REDIC1: variants seen among roughly 807,000 people sequenced by gnomAD.
The protein encoded by REDIC1 is HEI10 Interacting Protein 1.
chr12:39,810,635 C>T, the REDIC1 span, among the ~76,000 whole-genome samples: 51 of 152,110 alleles, frequency 3.4e-4, no homozygotes, highest in African/African-American at 1.1e-3. Context: ...TGTATCAGGT[C>T]GAGGAAGTTT....
chr12:39,821,161 C>A, the REDIC1 span, among the ~76,000 whole-genome samples: 2 of 152,134 alleles, frequency 1.3e-5, no homozygotes, highest in East Asian at 3.9e-4. Context: ...CGCCTGTAAT[C>A]CCAGCACTTT....
chr12:39,760,491 G>A, the REDIC1 span, among the ~76,000 whole-genome samples: 4 of 152,000 alleles, frequency 2.6e-5, no homozygotes, highest in Non-Finnish European at 4.4e-5. Context: ...AGGCTCAGAT[G>A]TAAGTTTGGC....
the REDIC1 span, among the ~76,000 whole-genome samples, chr12:39,729,830 A>C: frequency 2.4e-3 from 371 of 151,888 alleles, 1 homozygote; most frequent in African/African-American, 8.1e-3. Context: ...TTGCTTTATG[A>C]ATCTGGGTGC....
the REDIC1 span, among the ~76,000 whole-genome samples, chr12:39,820,577 G>A: frequency 3.9e-5 from 6 of 151,914 alleles, no homozygotes; most frequent in Non-Finnish European, 7.4e-5. Context: ...CAGAGGCAGC[G>A]GTTCTTTGAT....
At chr12:39,776,217 G>T in the REDIC1 span, among the ~76,000 whole-genome samples, 1 of 152,094 alleles carries the variant, frequency 6.6e-6, no homozygotes, top group African/African-American at 2.4e-5. Context: ...CCATTGTGCG[G>T]TTCCTTCATA....
the REDIC1 span, among the ~76,000 whole-genome samples, chr12:39,710,594 T>C: frequency 6.6e-6 from 1 of 151,856 alleles, no homozygotes. Flanking sequence ...CATATGTTAG[T>C]TTTTCATATT....
chr12:39,793,987 G>T, the REDIC1 span, among the ~76,000 whole-genome samples: 1 of 151,914 alleles, frequency 6.6e-6, no homozygotes, highest in Non-Finnish European at 1.5e-5. Context: ...GTGGAGAACT[G>T]TAAAATTTTC....
the REDIC1 span, among the ~76,000 whole-genome samples, chr12:39,828,148 C>T: frequency 1.3e-5 from 2 of 152,144 alleles, no homozygotes; most frequent in South Asian, 4.1e-4. Context: ...ATGGTGAACA[C>T]ATCCTGCCTT....
the REDIC1 span, among the ~76,000 whole-genome samples, chr12:39,878,956 C>T: frequency 6.6e-6 from 1 of 152,360 alleles, no homozygotes; most frequent in East Asian, 1.9e-4. Flanking sequence ...GAGCCTACTG[C>T]CCTGTGCAGC....
At chr12:39,682,163 T>G in the REDIC1 span, among the ~76,000 whole-genome samples, 1 of 152,160 alleles carries the variant, frequency 6.6e-6, no homozygotes, top group South Asian at 2.1e-4. Flanking sequence ...CATATTAGGT[T>G]GAAAAATATG....
chr12:39,818,278 A>G, the REDIC1 span, among the ~76,000 whole-genome samples: 8 of 150,536 alleles, frequency 5.3e-5, no homozygotes, highest in African/African-American at 1.7e-4. Flanking sequence ...AGTCACAGGA[A>G]AAAAAAAATG....
the REDIC1 span, among the ~76,000 whole-genome samples, chr12:39,651,909 A>G: frequency 6.6e-6 from 1 of 152,050 alleles, no homozygotes; most frequent in African/African-American, 2.4e-5. Context: ...CATCCCTTGT[A>G]CCTATCCCAA....
the REDIC1 span, among the ~76,000 whole-genome samples, chr12:39,850,115 C>A: frequency 6.6e-6 from 1 of 152,124 alleles, no homozygotes; most frequent in South Asian, 2.1e-4. Context: ...TTGACTCCAA[C>A]CAACTCCTTT....
At chr12:39,854,073 C>G in the REDIC1 span, among the ~76,000 whole-genome samples, 1 of 151,476 alleles carries the variant, frequency 6.6e-6, no homozygotes, top group South Asian at 2.1e-4. Flanking sequence ...CTACAATATT[C>G]ACAGGCTTTG....
the REDIC1 span, chr12:39,865,027 T>G: frequency 4.4e-6 from 3 of 676,884 alleles, no homozygotes; most frequent in Non-Finnish European, 6.9e-6. Flanking sequence ...CACTGGATTT[T>G]TAAAAAGTAC....
chr12:39,819,375 T>G, the REDIC1 span, among the ~76,000 whole-genome samples: 2 of 152,136 alleles, frequency 1.3e-5, no homozygotes, highest in African/African-American at 4.8e-5. Flanking sequence ...TATATTAAGG[T>G]GGCAATACAT....
At chr12:39,652,525 C>T in the REDIC1 span, among the ~76,000 whole-genome samples, 2 of 152,050 alleles carry the variant, frequency 1.3e-5, no homozygotes, top group African/African-American at 4.8e-5. Flanking sequence ...CCATGTGTGA[C>T]TCTGGTGAAA....
At chr12:39,637,920 A>G in the REDIC1 span, among the ~76,000 whole-genome samples, 1 of 152,050 alleles carries the variant, frequency 6.6e-6, no homozygotes, top group South Asian at 2.1e-4. Flanking sequence ...CCAAATAAAA[A>G]TGACCTTTGG....
chr12:39,651,948 C>G, the REDIC1 span, among the ~76,000 whole-genome samples: 2 of 152,070 alleles, frequency 1.3e-5, no homozygotes, highest in African/African-American at 4.8e-5. Flanking sequence ...TTGTGTTGCT[C>G]TGTATTAGCC....
Sources: allele counts gnomAD v4.1 joint callset (sites outside exome capture counted in the v4.1 genomes callset), GRCh38; gene constraint gnomAD v4.1.1; transcripts MANE v1.5; gene names NCBI Gene and HGNC (gene_info 2026-07-23, HGNC 2026-07-21).